Variants in SASH1 observed in about 807,000 individuals in gnomAD.
SASH1 encodes SAM and SH3 domain containing 1, also known as SAM and SH3 domain-containing protein 1.
A neutral mutation model predicts 125.2 loss-of-function variants in SASH1; 44 were observed. That is an observed-to-expected ratio of 0.35 (90% CI 0.28 to 0.45). SASH1 has a LOEUF of 0.45. Ranked by LOEUF, SASH1 falls within the 20% of genes least tolerant of loss-of-function variation. The pLI is 1.00. For missense variants in SASH1, 1,426 were observed against 1,614.5 expected, an observed-to-expected ratio of 0.88 and a Z score of 2.00; for synonymous variants, 639 against 649.1, an observed-to-expected ratio of 0.98 and a Z score of 0.24.
upstream of SASH1, among the ~76,000 whole-genome samples, chr6:148,340,097 C>G (rs1781277421): frequency 2.0e-5 from 3 of 152,164 alleles, no homozygotes; most frequent in South Asian, 4.1e-4. Flanking sequence ...CCCGGCTTGC[C>G]TGGCTCCTTG....
intron 1 of SASH1, among the ~76,000 whole-genome samples, chr6:148,348,156 GCCA>G (rs1781580048): frequency 6.6e-6 from 1 of 152,038 alleles, no homozygotes; most frequent in Non-Finnish European, 1.5e-5. Flanking sequence ...ACAGGCGTCT[GCCA>G]CCACACCTGG....
intron 9 of SASH1, among the ~76,000 whole-genome samples, 176 bp downstream of exon 9, chr6:148,514,632 C>T (rs1390731594): frequency 4.6e-5 from 7 of 151,916 alleles, no homozygotes; most frequent in East Asian, 3.9e-4. Flanking sequence ...TGCTCAGATG[C>T]GATGATGTGA....
At chr6:148,208,675 G>A in the SASH1 span, among the ~76,000 whole-genome samples, 23 of 152,122 alleles carry the variant, frequency 1.5e-4, no homozygotes, top group Non-Finnish European at 3.2e-4. Flanking sequence ...TTCTTGTTTT[G>A]TGAATTGGAG....
chr6:148,479,658 AAG>A (rs1424246804), intron 7 of SASH1: 1 of 157,654 alleles, frequency 6.3e-6, no homozygotes, highest in East Asian at 1.9e-4. Context: ...TCAACTCAGT[AAG>A]AGGTGGCACA....
intron 2 of SASH1, among the ~76,000 whole-genome samples, chr6:148,437,908 G>A (rs960324424): frequency 6.6e-6 from 1 of 152,156 alleles, no homozygotes; most frequent in South Asian, 2.1e-4. Context: ...TATATGTTAC[G>A]TTTGTGATAT....
chr6:148,422,928 T>TTTTG (rs539105266), intron 2 of SASH1, among the ~76,000 whole-genome samples: 220 of 152,196 alleles, frequency 1.4e-3, no homozygotes, highest in African/African-American at 3.2e-3. Context: ...GTGTGTGGTT[T>TTTTG]TTTGTTTGTT....
At chr6:148,209,743 G>A in the SASH1 span, among the ~76,000 whole-genome samples, 2 of 152,122 alleles carry the variant, frequency 1.3e-5, no homozygotes, top group East Asian at 1.9e-4. Flanking sequence ...CAACCCGTAT[G>A]CCTCCCCTCT....
intron 1 of SASH1, among the ~76,000 whole-genome samples, chr6:148,371,775 G>C (rs569330759): frequency 6.6e-6 from 1 of 152,208 alleles, no homozygotes; most frequent in Admixed American, 6.5e-5. Flanking sequence ...CTGCCTCCCC[G>C]TGACCCAGGA....
intron 2 of SASH1, among the ~76,000 whole-genome samples, chr6:148,431,293 G>A (rs370528925): frequency 2.2e-4 from 34 of 152,186 alleles, no homozygotes; most frequent in African/African-American, 7.9e-4. Context: ...CCTCCTCCCG[G>A]GTTCAAGCCA....
intron 1 of SASH1, among the ~76,000 whole-genome samples, chr6:148,356,354 G>A (rs1781936091): frequency 2.0e-5 from 3 of 152,048 alleles, no homozygotes; most frequent in Admixed American, 6.6e-5. Context: ...CAAAGTGCTG[G>A]GATTACAGGC....
At chr6:148,222,632 A>G in the SASH1 span, among the ~76,000 whole-genome samples, 2 of 152,260 alleles carry the variant, frequency 1.3e-5, no homozygotes, top group Non-Finnish European at 2.9e-5. Flanking sequence ...AATACACATA[A>G]GGAAATGTTG....
intron 1 of SASH1, among the ~76,000 whole-genome samples, chr6:148,294,131 G>A (rs906657274): frequency 6.6e-6 from 1 of 152,220 alleles, no homozygotes; most frequent in African/African-American, 2.4e-5. Context: ...AGTGGCACTG[G>A]TCATTTGCAC....
At chr6:148,421,213 G>GAAAGA (rs1785085731) in intron 2 of SASH1, among the ~76,000 whole-genome samples, 3 of 130,508 alleles carry the variant, frequency 2.3e-5, no homozygotes, top group Admixed American at 7.6e-5. Flanking sequence ...AAGAAAGAAA[G>GAAAGA]AAAAAGAAAG....
At chr6:148,514,130 T>C in intron 8 of SASH1, 194 bp from the exon 9 acceptor site, 1 of 1,355,920 alleles carries the variant, frequency 7.4e-7, no homozygotes, top group Non-Finnish European at 9.4e-7. Context: ...GCCTAGGACC[T>C]AATTCTACGC....
chr6:148,496,485 TA>T (rs1779315392), intron 8 of SASH1, among the ~76,000 whole-genome samples: 1 of 152,270 alleles, frequency 6.6e-6, no homozygotes, highest in Admixed American at 6.5e-5. Flanking sequence ...AGAAGGCATT[TA>T]TGCCCTGTAT....
At chr6:148,483,534 GAC>G in intron 7 of SASH1, among the ~76,000 whole-genome samples, 1 of 152,312 alleles carries the variant, frequency 6.6e-6, no homozygotes, top group Admixed American at 6.5e-5. Flanking sequence ...GATGAAGTTG[GAC>G]AGAGATGTGA....
intron 8 of SASH1, among the ~76,000 whole-genome samples, chr6:148,493,652 T>C (rs2115237555): frequency 6.6e-6 from 1 of 152,320 alleles, no homozygotes; most frequent in East Asian, 1.9e-4. Context: ...CCCCAATCGC[T>C]GAAATTAGAT....
chr6:148,250,676 A>T, the SASH1 span, among the ~76,000 whole-genome samples: 1 of 152,108 alleles, frequency 6.6e-6, no homozygotes, highest in African/African-American at 2.4e-5. Context: ...AATTACTTTG[A>T]CATGCATTAT....
intron 1 of SASH1, among the ~76,000 whole-genome samples, chr6:148,316,087 C>T (rs954266766): frequency 6.6e-6 from 1 of 152,140 alleles, no homozygotes; most frequent in African/African-American, 2.4e-5. Flanking sequence ...AAACATAGTC[C>T]AAACATTACT....
Sources: allele counts gnomAD v4.1 joint callset (sites outside exome capture counted in the v4.1 genomes callset), GRCh38; gene constraint gnomAD v4.1.1; transcripts MANE v1.5; gene names NCBI Gene and HGNC (gene_info 2026-07-23, HGNC 2026-07-21).